FAM3B: variants seen among roughly 807,000 people sequenced by gnomAD.
FAM3B encodes protein FAM3B.
In FAM3B, 29 loss-of-function variants were observed where a neutral mutation model predicts 28.4. That is an observed-to-expected ratio of 1.02 (90% CI 0.76 to 1.39). FAM3B has a LOEUF of 1.39. Among genes scored for constraint, FAM3B ranks in the 40% most tolerant of loss-of-function variants. FAM3B has a pLI of 0.00. For synonymous variants in FAM3B, 91 were observed against 103.0 expected (o/e 0.88, Z 0.71); for missense variants, 266 against 293.9 (o/e 0.91, Z 0.69).
intron 1 of FAM3B, chr21:41,320,446 T>C (rs2088791927): frequency 6.6e-6 from 1 of 152,238 alleles, no homozygotes; most frequent in Admixed American, 6.6e-5. Flanking sequence ...CAGTTGGTGT[T>C]AATTTGTTAC....
chr21:41,319,643 TG>T (rs2088783363), intron 1 of FAM3B: 1 of 152,432 alleles, frequency 6.6e-6, no homozygotes, highest in Non-Finnish European at 1.5e-5. Flanking sequence ...GCTTCAGCGC[TG>T]ATTCTTCCCT....
At chr21:41,355,918 A>G (rs1024145802) in intron 7 of FAM3B, among the ~76,000 whole-genome samples, 1 of 152,166 alleles carries the variant, frequency 6.6e-6, no homozygotes, top group Non-Finnish European at 1.5e-5. Flanking sequence ...TACTTTAAGC[A>G]TCAAGTTAAG....
chr21:41,325,983 G>C (rs999644524), intron 2 of FAM3B, among the ~76,000 whole-genome samples: 6 of 152,204 alleles, frequency 3.9e-5, no homozygotes, highest in African/African-American at 1.4e-4. Flanking sequence ...GATAGCAGAA[G>C]GCTGACTGCA....
intron 1 of FAM3B, among the ~76,000 whole-genome samples, chr21:41,322,284 C>G (rs2088813659): frequency 6.6e-6 from 1 of 152,148 alleles, no homozygotes. Context: ...GATATTGTTG[C>G]CAATCAACCA....
intron 1 of FAM3B, among the ~76,000 whole-genome samples, chr21:41,311,272 A>ATATATATATG (rs2088712191): frequency 1.3e-5 from 1 of 76,070 alleles, no homozygotes; most frequent in Non-Finnish European, 2.4e-5. Context: ...ATATATATAT[A>ATATATATATG]TATATATATA....
upstream of FAM3B, among the ~76,000 whole-genome samples, chr21:41,315,945 C>T (rs908763944): frequency 6.6e-6 from 1 of 152,122 alleles, no homozygotes; most frequent in Non-Finnish European, 1.5e-5. Flanking sequence ...GACCCTGGGG[C>T]GGGGACTGGG....
chr21:41,305,568 T>C (rs1222491582), intron 1 of FAM3B, among the ~76,000 whole-genome samples: 1 of 152,252 alleles, frequency 6.6e-6, no homozygotes, highest in Non-Finnish European at 1.5e-5. Flanking sequence ...TCTAGACCAC[T>C]GCAATAAAGC....
intron 2 of FAM3B, among the ~76,000 whole-genome samples, chr21:41,324,393 G>T (rs1009887840): frequency 2.0e-5 from 3 of 152,200 alleles, no homozygotes; most frequent in African/African-American, 7.2e-5. Flanking sequence ...TTACACAAGG[G>T]CGAGAGTATG....
chr21:41,321,402 G>A (rs2088803954), intron 1 of FAM3B, among the ~76,000 whole-genome samples: 1 of 152,188 alleles, frequency 6.6e-6, no homozygotes, highest in Non-Finnish European at 1.5e-5. Context: ...GCCCGCAGGT[G>A]GCTGAGCACA....
intron 2 of FAM3B, among the ~76,000 whole-genome samples, chr21:41,327,710 T>G (rs759525789): frequency 9.9e-5 from 15 of 152,242 alleles, no homozygotes; most frequent in Non-Finnish European, 1.9e-4. Context: ...TCAGACCATT[T>G]GCTCACTTGT....
intron 7 of FAM3B, among the ~76,000 whole-genome samples, chr21:41,353,501 GTTCTC>G (rs2089139466): frequency 6.6e-6 from 1 of 152,204 alleles, no homozygotes; most frequent in South Asian, 2.1e-4. Flanking sequence ...AGATGTGCAT[GTTCTC>G]ACATTTTTGA....
At chr21:41,310,988 C>G (rs971657388) in intron 1 of FAM3B, among the ~76,000 whole-genome samples, 38 of 151,362 alleles carry the variant, frequency 2.5e-4, no homozygotes, top group African/African-American at 7.8e-4. Context: ...GGTGAGGAAC[C>G]TTGATTGACA....
chr21:41,351,896 C>G (rs528849771), intron 7 of FAM3B, among the ~76,000 whole-genome samples: 89 of 152,304 alleles, frequency 5.8e-4, no homozygotes, highest in African/African-American at 2.1e-3. Context: ...GTGAGGGTAA[C>G]CTGGTTCAGA....
intron 3 of FAM3B, 84 bp downstream of exon 3, chr21:41,338,585 C>A: frequency 6.4e-7 from 1 of 1,551,800 alleles, no homozygotes. Flanking sequence ...AGCAGTTCTG[C>A]CCACAGGAGA....
intron 2 of FAM3B, among the ~76,000 whole-genome samples, chr21:41,331,102 T>C (rs2088902639): frequency 6.6e-6 from 1 of 152,238 alleles, no homozygotes; most frequent in African/African-American, 2.4e-5. Context: ...CAACACTCAT[T>C]ATCTTTCCTG....
intron 1 of FAM3B, among the ~76,000 whole-genome samples, chr21:41,306,463 TAA>T (rs1026423245): frequency 6.6e-6 from 1 of 152,226 alleles, no homozygotes; most frequent in African/African-American, 2.4e-5. Context: ...CCTTAAAATA[TAA>T]GACTTGAAAG....
chr21:41,306,766 A>G (rs1026473736), intron 1 of FAM3B, among the ~76,000 whole-genome samples: 4 of 152,076 alleles, frequency 2.6e-5, no homozygotes, highest in African/African-American at 7.2e-5. Context: ...TGTAATTTTT[A>G]TAGATTTGGG....
chr21:41,317,023 C>A lies in FAM3B; in HGVS notation c.19+125C>A, dbSNP rs2088755902. ...CAAAAGCGGGAGGGCTGGTTCTTGG[C>A]GCCGAGGCTGGTCTTAGACCTGGGA... On this transcript the variant is annotated intron_variant, in intron 1 of 7. Transcript: ENST00000357985. The A allele has an allele frequency of 6.9e-6, 6 of 868,936 alleles. No homozygotes were observed. The South Asian group carries it at 2.3e-4, about 34-fold the overall frequency. 53.8% of individuals were successfully genotyped at this position (868,936 alleles called of 1,614,324 possible).
Position 41,357,261 on chromosome 21 carries a change from CTTA to C in FAM3B, c.*67_*69del. On this transcript the variant is annotated 3_prime_UTR_variant, in exon 8 of 8. Coordinates refer to ENST00000357985, the MANE Select transcript of FAM3B (RefSeq NM_058186.4). The stretch of plus-strand genomic sequence containing the variant: ...AATGCAGCTGGAATCGCTCAAGAAT[CTTA>C]TTTTTCTAAATCCAACAGCCCATAT... 8.5e-7 allele frequency: 1 copy of C among 1,179,026 alleles called. No homozygotes were observed. Among genetic ancestry groups the C allele is most frequent in the South Asian group, 1.4e-5 (1 of 69,580 alleles). The allele number at this position is 1,179,026 out of a possible 1,614,324, so 73.0% of individuals were successfully genotyped here.
Sources: gnomAD v4.1 joint callset for allele counts (sites outside exome capture counted in the v4.1 genomes callset) on GRCh38, gnomAD v4.1.1 for gene constraint, MANE v1.5 for transcripts, NCBI Gene and HGNC (gene_info 2026-07-23, HGNC 2026-07-21) for gene names.